Variants in TBC1D15 observed in about 807,000 individuals in gnomAD.
TBC1D15 encodes GAP for RAB7.
TBC1D15 carries 39 observed loss-of-function variants against 95.4 expected under a neutral mutation model. The ratio of observed to expected loss-of-function variants is 0.41; its 90% CI spans 0.32 to 0.53. The LOEUF (loss-of-function observed/expected upper bound fraction) is 0.53, where lower values mean the gene tolerates loss of function less well. Ranked by LOEUF, TBC1D15 falls within the 20% of genes least tolerant of loss-of-function variation. The pLI, the probability that TBC1D15 is intolerant of heterozygous loss-of-function variation, is 0.29. For synonymous variants in TBC1D15, 258 were observed against 261.3 expected (o/e 0.99, Z 0.12); for missense variants, 733 against 794.3 (o/e 0.92, Z 0.93).
chr12:71,865,621 A>G (rs924756307), intron 1 of TBC1D15, among the ~76,000 whole-genome samples: 6 of 152,144 alleles, frequency 3.9e-5, no homozygotes, highest in African/African-American at 1.4e-4. Context: ...TGATGACTTT[A>G]TTCCCCAGGG....
Position 71,923,257 on chromosome 12 carries a change from G to GTACT in TBC1D15, c.*55_*58dup, listed in dbSNP as rs1870138365. 6.4e-7 allele frequency: 1 copy of GTACT among 1,562,038 alleles called. No homozygotes were observed. Among genetic ancestry groups the GTACT allele is most frequent in the South Asian group, 1.1e-5 (1 of 88,600 alleles). On this transcript the variant is annotated 3_prime_UTR_variant, in exon 17 of 17. Coordinates refer to ENST00000485960, the MANE Select transcript of TBC1D15 (RefSeq NM_001146213.3). ...ACACTTTGTTGCAACCCTTTTTCAA[G>GTACT]TACTTGAAAGTTGAAAATTTGAAAT...
intron 1 of TBC1D15, chr12:71,868,930 C>T (rs1892071702): frequency 6.6e-6 from 1 of 152,152 alleles, no homozygotes; most frequent in South Asian, 2.1e-4. Context: ...GAGTATGTCT[C>T]TGATCCATTT....
chr12:71,890,075 C>A (rs978525078), intron 5 of TBC1D15, among the ~76,000 whole-genome samples: 4 of 152,152 alleles, frequency 2.6e-5, no homozygotes, highest in East Asian at 3.8e-4. Flanking sequence ...CATGCCTTTG[C>A]TATTGTGAAT....
At chr12:71,908,608 C>T (rs1002713706) in intron 11 of TBC1D15, among the ~76,000 whole-genome samples, 1 of 152,098 alleles carries the variant, frequency 6.6e-6, no homozygotes, top group African/African-American at 2.4e-5. Context: ...TCTTTGGTGA[C>T]AGTAAGTCAA....
chr12:71,849,538 A>T (rs1887221238), intron 1 of TBC1D15: 1 of 727,432 alleles, frequency 1.4e-6, no homozygotes, highest in South Asian at 1.4e-5. Context: ...TGTAGATTCA[A>T]CTTCATTATC....
chr12:71,842,830 C>CAAAAAAAAAA (rs58842371), intron 1 of TBC1D15, among the ~76,000 whole-genome samples: 4 of 84,854 alleles, frequency 4.7e-5, no homozygotes, highest in Admixed American at 1.3e-4. Flanking sequence ...GACCCTGTCT[C>CAAAAAAAAAA]AAAAAAAAAA....
intron 1 of TBC1D15, among the ~76,000 whole-genome samples, chr12:71,861,775 C>T (rs1890426833): frequency 6.8e-6 from 1 of 147,688 alleles, no homozygotes; most frequent in Admixed American, 6.7e-5. Flanking sequence ...ATGCATTGTT[C>T]AGTTGTTTAT....
intron 10 of TBC1D15, among the ~76,000 whole-genome samples, chr12:71,900,689 T>C (rs1899183506): frequency 6.6e-6 from 1 of 152,136 alleles, no homozygotes; most frequent in Admixed American, 6.6e-5. Context: ...TTTTCATTCC[T>C]GTGGAAGAAC....
At chr12:71,864,046 T>C (rs1006924402) in intron 1 of TBC1D15, among the ~76,000 whole-genome samples, 2 of 152,066 alleles carry the variant, frequency 1.3e-5, no homozygotes, top group Non-Finnish European at 2.9e-5. Context: ...AGAATTGTTA[T>C]GTTCCCTTGG....
intron 1 of TBC1D15, among the ~76,000 whole-genome samples, chr12:71,851,727 T>C (rs1306388127): frequency 6.6e-6 from 1 of 152,104 alleles, no homozygotes; most frequent in Non-Finnish European, 1.5e-5. Context: ...CTCTTTTGAC[T>C]TCATGTCCCA....
At chr12:71,901,898 T>A (rs974986456) in intron 10 of TBC1D15, among the ~76,000 whole-genome samples, 1 of 151,982 alleles carries the variant, frequency 6.6e-6, no homozygotes. Context: ...AAAGTTTCAG[T>A]ATACAAAATC....
intron 1 of TBC1D15, 67 bp downstream of exon 1, chr12:71,839,878 G>A: frequency 6.3e-7 from 1 of 1,596,414 alleles, no homozygotes; most frequent in Admixed American, 1.7e-5. Flanking sequence ...CTCCCTGGCA[G>A]CTGGTTGGGG....
chr12:71,840,700 G>T (rs997225984), intron 1 of TBC1D15, among the ~76,000 whole-genome samples: 2 of 152,112 alleles, frequency 1.3e-5, no homozygotes, highest in Non-Finnish European at 2.9e-5. Context: ...ACTCATTGCA[G>T]ATAGCGTCCT....
chr12:71,849,230 G>GT lies in TBC1D15; in HGVS notation c.30+9421dup. On this transcript the variant is annotated intron_variant, in intron 1 of 16. Transcript: ENST00000485960. ...TCCATAGGGTTGTTCCTCATGGTTTGTTAGGATACTCCTGCCTGATCCAAG... is the reference window on the plus strand; with the variant it reads ...TCCATAGGGTTGTTCCTCATGGTTTGTTTAGGATACTCCTGCCTGATCCAAG... The GT allele has an allele frequency of 9.9e-6, 5 of 507,334 alleles. No homozygotes were observed. The South Asian group carries it at 1.3e-4, about 13-fold the overall frequency. The allele number at this position is 507,334 out of a possible 1,614,324, so 31.4% of individuals were successfully genotyped here.
chr12:71,912,075 T>G (rs1902509261), intron 11 of TBC1D15, among the ~76,000 whole-genome samples: 1 of 152,170 alleles, frequency 6.6e-6, no homozygotes, highest in South Asian at 2.1e-4. Flanking sequence ...CTCTTGCACT[T>G]TGTTGAATTC....
intron 1 of TBC1D15, chr12:71,854,567 CATT>C (rs201876920): frequency 0.011 from 5,166 of 456,570 alleles, 43 homozygotes; most frequent in Middle Eastern, 0.022. Flanking sequence ...TGACAGGCGA[CATT>C]ATCAGCAAGA....
At chr12:71,920,706 A>C (rs758893406) in intron 14 of TBC1D15, 25 bp from the exon 15 acceptor site, 4 of 1,557,580 alleles carry the variant, frequency 2.6e-6, no homozygotes, top group Non-Finnish European at 3.5e-6. Flanking sequence ...TACAATTTGC[A>C]AAATAGTTCT....
Position 71,894,688 on chromosome 12 carries a change from A to G in TBC1D15, c.660A>G (p.Lys220=). 2 of 1,609,328 alleles carry G rather than the reference A, an allele frequency of 1.2e-6. No individual in the cohort carries two copies. Among genetic ancestry groups the G allele is most frequent in the Non-Finnish European group, 1.7e-6 (2 of 1,178,244 alleles). The stretch of plus-strand genomic sequence containing the variant: ...ATATTTTTCTTCCTACTGCATAGAA[A>G]ATTAAAAAGGACCCTTATACGGCAA... ...LDEPAYGLIQ[K]IKKDPYTATM... The change falls in exon 7 of 17, where the codon AAA becomes AAG. Residue 220 remains lysine (K), a splice_region_variant and synonymous_variant. Coordinates refer to ENST00000485960, the MANE Select transcript of TBC1D15 (RefSeq NM_001146213.3).
chr12:71,865,389 G>T (rs1041344272), intron 1 of TBC1D15, among the ~76,000 whole-genome samples: 1 of 152,128 alleles, frequency 6.6e-6, no homozygotes, highest in Admixed American at 6.6e-5. Flanking sequence ...GGCCTGGGGA[G>T]CAGGGTGTGG....
Sources: allele counts gnomAD v4.1 joint callset (sites outside exome capture counted in the v4.1 genomes callset), GRCh38; gene constraint gnomAD v4.1.1; transcripts MANE v1.5; gene names NCBI Gene and HGNC (gene_info 2026-07-23, HGNC 2026-07-21).